NRXN3: variants seen among roughly 807,000 people sequenced by gnomAD.
The protein encoded by NRXN3 is neurexin III.
In NRXN3, 32 loss-of-function variants were observed where a neutral mutation model predicts 137.6. The ratio of observed to expected loss-of-function variants is 0.23; its 90% CI spans 0.18 to 0.31. NRXN3 has a LOEUF of 0.31. NRXN3 is among the 10% of genes least tolerant of loss of function. The pLI is 1.00. For synonymous variants in NRXN3, 798 were observed against 784.5 expected (o/e 1.02, Z -0.29); for missense variants, 1,574 against 2,062.5 (o/e 0.76, Z 4.59).
chr14:79,289,612 C>T (rs2082835269), intron 15 of NRXN3, among the ~76,000 whole-genome samples: 2 of 151,770 alleles, frequency 1.3e-5, no homozygotes, highest in South Asian at 4.2e-4. Context: ...GAGAGAGAAA[C>T]TCTATCTAAA....
chr14:78,332,096 A>T (rs2080884094), intron 4 of NRXN3, among the ~76,000 whole-genome samples: 1 of 152,152 alleles, frequency 6.6e-6, no homozygotes, highest in African/African-American at 2.4e-5. Context: ...TCTGAACCTC[A>T]GTTTCCTCTT....
chr14:79,715,113 C>G (rs1405094640), intron 19 of NRXN3, among the ~76,000 whole-genome samples: 1 of 152,096 alleles, frequency 6.6e-6, no homozygotes, highest in Non-Finnish European at 1.5e-5. Flanking sequence ...ACCACCGCAC[C>G]TGGCCAATTT....
intron 15 of NRXN3, among the ~76,000 whole-genome samples, chr14:79,403,681 C>T (rs2095255059): frequency 6.6e-6 from 1 of 152,086 alleles, no homozygotes; most frequent in Admixed American, 6.5e-5. Context: ...GAACTTGGTG[C>T]TTTATAAGGC....
At chr14:78,511,008 A>G (rs2096094525) in intron 4 of NRXN3, among the ~76,000 whole-genome samples, 1 of 152,204 alleles carries the variant, frequency 6.6e-6, no homozygotes. Flanking sequence ...TGGTTTGAAT[A>G]GAGTAGTAAA....
At chr14:79,277,697 T>C (rs1275348201) in intron 15 of NRXN3, among the ~76,000 whole-genome samples, 2 of 152,178 alleles carry the variant, frequency 1.3e-5, no homozygotes, top group Non-Finnish European at 2.9e-5. Context: ...AACCACCCCT[T>C]CCCCTTGCTG....
intron 15 of NRXN3, among the ~76,000 whole-genome samples, chr14:79,056,044 T>C (rs901857830): frequency 2.0e-5 from 3 of 152,162 alleles, no homozygotes; most frequent in African/African-American, 7.2e-5. Flanking sequence ...AAAATACATG[T>C]CGATATTGGG....
chr14:79,806,486 C>A (rs1224007448), intron 20 of NRXN3, among the ~76,000 whole-genome samples: 2 of 152,034 alleles, frequency 1.3e-5, no homozygotes, highest in African/African-American at 4.8e-5. Context: ...GGGAGCTCAG[C>A]TGTGTGGAGG....
At chr14:78,867,097 G>A (rs1468387383) in intron 10 of NRXN3, among the ~76,000 whole-genome samples, 3 of 151,946 alleles carry the variant, frequency 2.0e-5, no homozygotes, top group Admixed American at 2.0e-4. Context: ...GCACCTGGCA[G>A]TATTACCCTT....
intron 15 of NRXN3, among the ~76,000 whole-genome samples, chr14:78,993,834 A>ATTTTT (rs58170856): frequency 0.01 from 700 of 66,994 alleles, 83 homozygotes; most frequent in Non-Finnish European, 0.016. Context: ...GAGCCTTGAA[A>ATTTTT]TTTTTTTTTT....
chr14:78,202,385 C>T (rs960704762), intron 1 of NRXN3, among the ~76,000 whole-genome samples: 9 of 152,220 alleles, frequency 5.9e-5, no homozygotes, highest in African/African-American at 2.2e-4. Context: ...ATTATTGTTC[C>T]TGTTTCTGGA....
intron 19 of NRXN3, among the ~76,000 whole-genome samples, chr14:79,753,015 A>G (rs1030143999): frequency 1.2e-3 from 177 of 151,506 alleles, no homozygotes; most frequent in African/African-American, 3.5e-3. Flanking sequence ...CAAAACCACA[A>G]TGAGATACCA....
intron 15 of NRXN3, among the ~76,000 whole-genome samples, chr14:79,442,221 G>T (rs1463922266): frequency 6.6e-6 from 1 of 152,178 alleles, no homozygotes; most frequent in Non-Finnish European, 1.5e-5. Context: ...TGTTTTGTTT[G>T]CTTAGATTAT....
At chr14:78,600,570 G>C (rs1368766507) in intron 4 of NRXN3, among the ~76,000 whole-genome samples, 1 of 151,956 alleles carries the variant, frequency 6.6e-6, no homozygotes, top group Non-Finnish European at 1.5e-5. Context: ...TCCTTTTGTT[G>C]CTTATCAAGG....
chr14:79,629,272 G>A (rs1235648073), intron 16 of NRXN3, among the ~76,000 whole-genome samples: 3 of 151,566 alleles, frequency 2.0e-5, no homozygotes, highest in African/African-American at 7.3e-5. Context: ...ATTCCGAAAT[G>A]AAAAAAAATA....
At chr14:79,720,492 A>T (rs962159467) in intron 19 of NRXN3, among the ~76,000 whole-genome samples, 1 of 152,098 alleles carries the variant, frequency 6.6e-6, no homozygotes, top group Non-Finnish European at 1.5e-5. Context: ...TATGCACAGC[A>T]GAGAGTTTAA....
At chr14:78,952,377 A>G (rs1164269599) in intron 10 of NRXN3, among the ~76,000 whole-genome samples, 1 of 152,174 alleles carries the variant, frequency 6.6e-6, no homozygotes, top group Non-Finnish European at 1.5e-5. Flanking sequence ...CAGAACATAA[A>G]ACGCCTTTTT....
intron 19 of NRXN3, chr14:79,791,065 C>T (rs1019430755): frequency 1.3e-5 from 2 of 152,240 alleles, no homozygotes; most frequent in African/African-American, 4.8e-5. Flanking sequence ...CCAGCCCCAC[C>T]TCCAACATTA....
At chr14:78,929,354 TC>T (rs1343204199) in intron 10 of NRXN3, among the ~76,000 whole-genome samples, 1 of 152,098 alleles carries the variant, frequency 6.6e-6, no homozygotes, top group Non-Finnish European at 1.5e-5. Context: ...CTCTTCCTCC[TC>T]CCACCCTCTA....
chr14:79,207,669 G>T (rs1364680590), intron 15 of NRXN3, among the ~76,000 whole-genome samples: 1 of 152,048 alleles, frequency 6.6e-6, no homozygotes, highest in African/African-American at 2.4e-5. Flanking sequence ...TCTTTGGCCC[G>T]TTCTTTCTGC....
Sources: gnomAD v4.1 joint callset for allele counts (sites outside exome capture counted in the v4.1 genomes callset) on GRCh38, gnomAD v4.1.1 for gene constraint, MANE v1.5 for transcripts, NCBI Gene and HGNC (gene_info 2026-07-23, HGNC 2026-07-21) for gene names.